The following ARK2C variants were observed in gnomAD, a reference collection of about 807,000 sequenced individuals.
ARK2C encodes arkadia (RNF111) C-terminal like ring finger ubiquitin ligase 2C.
the ARK2C span, among the ~76,000 whole-genome samples, chr18:46,428,364 G>A: frequency 4.6e-5 from 7 of 152,156 alleles, no homozygotes; most frequent in East Asian, 3.8e-4. Flanking sequence ...AGCTGAGATC[G>A]TGCCACTGCA....
the ARK2C span, among the ~76,000 whole-genome samples, chr18:46,424,133 T>C: frequency 6.6e-6 from 1 of 152,052 alleles, no homozygotes; most frequent in Non-Finnish European, 1.5e-5. Context: ...ACAAATCAGA[T>C]GGAGAGGAGA....
At chr18:46,372,563 T>C in the ARK2C span, among the ~76,000 whole-genome samples, 1 of 151,984 alleles carries the variant, frequency 6.6e-6, no homozygotes, top group Non-Finnish European at 1.5e-5. Flanking sequence ...TGGAAGGGAG[T>C]GACACCATGT....
At chr18:46,444,483 T>C in the ARK2C span, among the ~76,000 whole-genome samples, 1 of 152,022 alleles carries the variant, frequency 6.6e-6, no homozygotes, top group Non-Finnish European at 1.5e-5. Context: ...TTATTATTAT[T>C]ATTCAGGATT....
the ARK2C span, among the ~76,000 whole-genome samples, chr18:46,441,861 CAA>C: frequency 8.2e-6 from 1 of 122,064 alleles, no homozygotes; most frequent in Admixed American, 8.7e-5. Context: ...GACTCCATCT[CAA>C]AAAAAAAAAA....
the ARK2C span, chr18:46,435,496 C>A: frequency 2.2e-6 from 2 of 916,072 alleles, no homozygotes; most frequent in Non-Finnish European, 3.4e-6. Flanking sequence ...CTTTGAATGG[C>A]GCAGGAGGCC....
At chr18:46,357,760 A>G in the ARK2C span, among the ~76,000 whole-genome samples, 1 of 152,236 alleles carries the variant, frequency 6.6e-6, no homozygotes, top group African/African-American at 2.4e-5. Flanking sequence ...TGCTGTGACA[A>G]AATAGCACAC....
chr18:46,364,950 C>T, the ARK2C span, among the ~76,000 whole-genome samples: 1 of 152,142 alleles, frequency 6.6e-6, no homozygotes, highest in African/African-American at 2.4e-5. Context: ...CCCTCTGGTC[C>T]CAGCTGGGTC....
At chr18:46,390,026 G>A in the ARK2C span, among the ~76,000 whole-genome samples, 1 of 152,154 alleles carries the variant, frequency 6.6e-6, no homozygotes, top group Non-Finnish European at 1.5e-5. Context: ...CCATGAAATG[G>A]TCATTTCTAA....
the ARK2C span, among the ~76,000 whole-genome samples, chr18:46,362,714 A>G: frequency 1.3e-5 from 2 of 152,228 alleles, no homozygotes; most frequent in African/African-American, 4.8e-5. Flanking sequence ...TGCGACAACC[A>G]CATCAGGTTG....
the ARK2C span, among the ~76,000 whole-genome samples, chr18:46,344,348 C>A: frequency 6.6e-6 from 1 of 151,880 alleles, no homozygotes; most frequent in Non-Finnish European, 1.5e-5. Flanking sequence ...CTCTCCATGT[C>A]TTCCCCCTTC....
the ARK2C span, among the ~76,000 whole-genome samples, chr18:46,363,622 G>A: frequency 6.6e-6 from 1 of 152,224 alleles, no homozygotes; most frequent in African/African-American, 2.4e-5. Context: ...CCCAGGGGAG[G>A]GGACATGGAG....
chr18:46,433,588 G>C, the ARK2C span: 1 of 1,232,538 alleles, frequency 8.1e-7, no homozygotes, highest in Non-Finnish European at 1.1e-6. Flanking sequence ...GGGCCAGGAC[G>C]AGGGCGTGGC....
the ARK2C span, among the ~76,000 whole-genome samples, chr18:46,401,934 C>T: frequency 1.3e-5 from 2 of 152,114 alleles, no homozygotes. Context: ...GGTTTATTTA[C>T]ACAGAAAAAA....
At chr18:46,430,928 T>C in the ARK2C span, among the ~76,000 whole-genome samples, 1 of 152,348 alleles carries the variant, frequency 6.6e-6, no homozygotes, top group East Asian at 1.9e-4. Context: ...ATTTCTGGGA[T>C]ACATGTGCAG....
the ARK2C span, among the ~76,000 whole-genome samples, chr18:46,379,520 G>A: frequency 1.3e-5 from 2 of 152,136 alleles, no homozygotes; most frequent in Admixed American, 6.5e-5. Context: ...ACACAGTAAC[G>A]GCTTCCGGGC....
At chr18:46,461,605 C>T in the ARK2C span, 1 of 147,264 alleles carries the variant, frequency 6.8e-6, no homozygotes, top group Non-Finnish European at 1.5e-5. Flanking sequence ...GGAGCGTGCA[C>T]CACTGCACTC....
chr18:46,353,953 A>G, the ARK2C span, among the ~76,000 whole-genome samples: 1 of 152,116 alleles, frequency 6.6e-6, no homozygotes, highest in Non-Finnish European at 1.5e-5. Context: ...AAGGACCCCA[A>G]AGATATTTAG....
chr18:46,412,751 G>A, the ARK2C span, among the ~76,000 whole-genome samples: 3 of 152,092 alleles, frequency 2.0e-5, no homozygotes, highest in Non-Finnish European at 2.9e-5. Flanking sequence ...AGGCCGCCTC[G>A]GGCAGGTACG....
chr18:46,353,848 CG>C, the ARK2C span, among the ~76,000 whole-genome samples: 1 of 152,188 alleles, frequency 6.6e-6, no homozygotes, highest in Non-Finnish European at 1.5e-5. Context: ...GATGGAGTAG[CG>C]GGGCCTTGTG....
Sources: gnomAD v4.1 joint callset for allele counts (sites outside exome capture counted in the v4.1 genomes callset) on GRCh38, gnomAD v4.1.1 for gene constraint, MANE v1.5 for transcripts, NCBI Gene and HGNC (gene_info 2026-07-23, HGNC 2026-07-21) for gene names.